Variants in UNC13A observed in about 807,000 individuals in gnomAD.
UNC13A encodes protein unc-13 homolog A.
A neutral mutation model predicts 219.7 loss-of-function variants in UNC13A; 61 were observed. The observed-to-expected ratio is 0.28, with a 90% CI of 0.23 to 0.34. The LOEUF is 0.34. Among genes scored for constraint, UNC13A ranks in the 10% least tolerant of loss-of-function variants. UNC13A has a pLI of 1.00. For synonymous variants in UNC13A, 920 were observed against 884.6 expected (o/e 1.04, Z -0.71); for missense variants, 1,476 against 2,270.3 (o/e 0.65, Z 7.11).
intron 43 of UNC13A, among the ~76,000 whole-genome samples, chr19:17,608,509 A>G (rs1472728514): frequency 7.1e-6 from 1 of 141,096 alleles, no homozygotes; most frequent in Non-Finnish European, 1.5e-5. Context: ...CATATTTTAT[A>G]TATAATTATA....
chr19:17,606,421 C>T (rs541218729), intron 43 of UNC13A, 67 bp from the exon 44 acceptor site: 1 of 1,509,694 alleles, frequency 6.6e-7, no homozygotes, highest in East Asian at 2.5e-5. Flanking sequence ...ACGGCCCCGT[C>T]CCCACCGCAT....
rs2077024854 is a variant in UNC13A at position 17,646,250 on chromosome 19, T to C, written c.2045-139A>G. 5 of 1,193,772 alleles carry C rather than the reference T, an allele frequency of 4.2e-6. No homozygotes were observed. In the East Asian group the frequency reaches 1.3e-4, roughly 30 times the overall value. 73.9% of individuals were successfully genotyped at this position (1,193,772 alleles called of 1,614,324 possible). ...GAGCAATGGCAGGGCACGCTGGGCT[T>C]GCCAGAGAGGTTTTTTGTGTGTTTG... On this transcript the variant is annotated intron_variant, in intron 17 of 43. Transcript: ENST00000519716.
intron 4 of UNC13A, among the ~76,000 whole-genome samples, chr19:17,671,018 A>T (rs1327284596): frequency 6.6e-6 from 1 of 152,178 alleles, no homozygotes; most frequent in Admixed American, 6.6e-5. Flanking sequence ...TGCCTGGTTC[A>T]TATTGGGTGA....
At chr19:17,607,707 C>T (rs2076548882) in intron 43 of UNC13A, among the ~76,000 whole-genome samples, 1 of 151,176 alleles carries the variant, frequency 6.6e-6, no homozygotes, top group Admixed American at 6.6e-5. Context: ...CCCCAGCCTC[C>T]CAGGTAGCTG....
At chr19:17,629,137 G>A in intron 31 of UNC13A, 103 bp downstream of exon 31, 1 of 926,460 alleles carries the variant, frequency 1.1e-6, no homozygotes. Flanking sequence ...ACACACAGGT[G>A]GACATACATA....
At chr19:17,640,039 T>TC (rs2076952016) in intron 22 of UNC13A, 131 bp from the exon 23 acceptor site, 1 of 903,492 alleles carries the variant, frequency 1.1e-6, no homozygotes, top group African/African-American at 1.7e-5. Flanking sequence ...CTATGGCATT[T>TC]TTTTTTTTGT....
chr19:17,657,885 A>G (rs1033457676), intron 9 of UNC13A, among the ~76,000 whole-genome samples, 177 bp downstream of exon 9: 1 of 96,002 alleles, frequency 1.0e-5, no homozygotes, highest in South Asian at 2.7e-4. Context: ...AAAGAAAAGA[A>G]AAAAAAAAAG....
At chr19:17,672,988 G>A (rs972928617) in intron 3 of UNC13A, among the ~76,000 whole-genome samples, 15 of 152,126 alleles carry the variant, frequency 9.9e-5, no homozygotes, top group African/African-American at 2.9e-4. Flanking sequence ...ATGTGAATTC[G>A]GGGGAGCAGG....
Position 17,639,133 on chromosome 19 carries a change from T to C in UNC13A, c.3031A>G (p.Ile1011Val). The change falls in exon 25 of 44, where the codon ATC (isoleucine) becomes GTC (valine). Residue 1011 changes from isoleucine (I) to valine (V), a missense_variant. By Grantham distance (29) the Ile-to-Val change is conservative. This residue lies in a region of UNC13A where 140 missense variants were observed against 270.9 expected (regional missense o/e 0.52). Transcript: ENST00000519716. ...TACAGTTCATGGCAGTTATTGAAGATGTACTCGTAGGTAGAATTAAGGCAG... is the reference window on the plus strand; with the variant it reads ...TACAGTTCATGGCAGTTATTGAAGACGTACTCGTAGGTAGAATTAAGGCAG... ...KACLNSTYEYIFNNCHELYSR... is the reference protein window; with the variant it reads ...KACLNSTYEYVFNNCHELYSR... 1 of 1,613,684 alleles carries C rather than the reference T, an allele frequency of 6.2e-7. No individual in the cohort carries two copies. The highest frequency in any genetic ancestry group is 1.1e-5 in the South Asian group (1 of 91,000).
In UNC13A at chr19:17,618,530, G is replaced by A. The variant is rs375737893; in HGVS notation, c.4330-29C>T. The A allele has an allele frequency of 1.3e-5, 21 of 1,566,184 alleles. No homozygotes were observed. In the African/African-American group the frequency reaches 2.9e-4, roughly 21 times the overall value. On this transcript the variant is annotated intron_variant, in intron 39 of 43. Transcript: ENST00000519716. Reference sequence around the variant, plus strand: ...GATGGATGGGGAGAGGGGCCATGTGGGTGGAGTGGGCTCCACCTTTGGAAT... The same window carrying A: ...GATGGATGGGGAGAGGGGCCATGTGAGTGGAGTGGGCTCCACCTTTGGAAT...
At chr19:17,617,979 C>T (rs1278968093) in intron 40 of UNC13A, 130 bp from the exon 41 acceptor site, 10 of 1,272,568 alleles carry the variant, frequency 7.9e-6, no homozygotes, top group Non-Finnish European at 1.1e-5. Context: ...TTTGCTTTGC[C>T]TAGTGAACTC....
intron 41 of UNC13A, among the ~76,000 whole-genome samples, chr19:17,613,401 T>C (rs1463446033): frequency 6.6e-6 from 1 of 152,070 alleles, no homozygotes; most frequent in Non-Finnish European, 1.5e-5. Flanking sequence ...AGAGCAAGAC[T>C]GTCTCAAAAA....
At chr19:17,639,039 C>T (rs1599362571) in intron 25 of UNC13A, 44 bp downstream of exon 25, 1 of 1,537,416 alleles carries the variant, frequency 6.5e-7, no homozygotes, top group Non-Finnish European at 8.8e-7. Context: ...AAGCCTGTGT[C>T]TAGTTGGCAT....
chr19:17,623,359 TC>T, intron 36 of UNC13A, 182 bp downstream of exon 36: 1 of 503,400 alleles, frequency 2.0e-6, no homozygotes, highest in Non-Finnish European at 3.5e-6. Context: ...TCTCCCTCCC[TC>T]CCAGCCCCGC....
chr19:17,685,524 A>G lies in UNC13A; in HGVS notation c.22+2654T>C, dbSNP rs116551024. 4.2e-3 allele frequency among the ~76,000 whole-genome samples: 633 copies of G among 152,244 alleles called. 4 individuals are homozygous for G. The highest frequency in any genetic ancestry group is 0.014 in the African/African-American group (597 of 41,544). ...GGACATGGGTGGATCTTTATGTGAC[A>G]TGTATATTGTGAGCATTCATCAGAC... On this transcript the variant is annotated intron_variant, in intron 1 of 43. Coordinates refer to ENST00000519716, the MANE Select transcript of UNC13A (RefSeq NM_001080421.3).
At chr19:17,634,778 C>A (rs991213690) in intron 26 of UNC13A, among the ~76,000 whole-genome samples, 16 of 152,228 alleles carry the variant, frequency 1.1e-4, no homozygotes, top group Non-Finnish European at 1.9e-4. Context: ...TCACTGCAAC[C>A]TCTGCCTCCT....
intron 17 of UNC13A, among the ~76,000 whole-genome samples, 200 bp from the exon 18 acceptor site, chr19:17,646,311 C>T (rs1167031912): frequency 6.8e-6 from 1 of 146,994 alleles, no homozygotes; most frequent in Admixed American, 6.8e-5. Flanking sequence ...CAGAGTTTTG[C>T]TCGTCACCCA....
intron 28 of UNC13A, among the ~76,000 whole-genome samples, chr19:17,631,202 C>CCCTTCCTT (rs1219861577): frequency 1.9e-5 from 1 of 53,418 alleles, no homozygotes; most frequent in South Asian, 9.6e-4. Context: ...CTCCCTCCCT[C>CCCTTCCTT]CCTTCCTTCC....
At chr19:17,673,786 G>A (rs1465938766) in intron 3 of UNC13A, among the ~76,000 whole-genome samples, 3 of 151,958 alleles carry the variant, frequency 2.0e-5, no homozygotes, top group Non-Finnish European at 4.4e-5. Context: ...TGAGGTGGGC[G>A]GATCACCTGA....
Sources: gnomAD v4.1 joint callset for allele counts (sites outside exome capture counted in the v4.1 genomes callset) on GRCh38, gnomAD v4.1.1 for gene constraint, gnomAD v4.1.1 regional missense constraint, MANE v1.5 for transcripts, NCBI Gene and HGNC (gene_info 2026-07-23, HGNC 2026-07-21) for gene names.